Variants in DNAL1 observed in about 807,000 individuals in gnomAD.
DNAL1 encodes chromosome 14 open reading frame 168.
DNAL1 carries 17 observed loss-of-function variants against 29.4 expected under a neutral mutation model. The observed-to-expected ratio is 0.58, with a 90% CI of 0.40 to 0.87. The LOEUF is 0.87. Ranked by LOEUF, DNAL1 falls within the 40% of genes least tolerant of loss-of-function variation. DNAL1 has a pLI of 0.00. For synonymous variants in DNAL1, 78 were observed against 76.3 expected (o/e 1.02, Z -0.12); for missense variants, 188 against 214.1 (o/e 0.88, Z 0.76).
rs1892309601 is a variant in DNAL1 at position 73,696,698 on chromosome 14, G to A, written c.*756G>A. 2 of 152,134 alleles carry A rather than the reference G, an allele frequency of 1.3e-5. No homozygotes were observed. Among genetic ancestry groups the A allele is most frequent in the Admixed American group, 1.3e-4 (2 of 15,272 alleles). 9.4% of individuals were successfully genotyped at this position (152,134 alleles called of 1,614,324 possible). ...ATAATGTGGCAATGTTACTCATGTG[G>A]ACCTCGCCTTAAGCACACATTTTGG... is the stretch of plus-strand genomic sequence containing the variant. On this transcript the variant is annotated 3_prime_UTR_variant, in exon 8 of 8. Transcript: ENST00000553645.
intron 5 of DNAL1, among the ~76,000 whole-genome samples, chr14:73,677,550 A>T (rs1891765011): frequency 6.7e-6 from 1 of 148,574 alleles, no homozygotes; most frequent in African/African-American, 2.4e-5. Flanking sequence ...AAATATATTT[A>T]TTTATTTATT....
chr14:73,664,322 A>C (rs1231880944), intron 4 of DNAL1, among the ~76,000 whole-genome samples: 1 of 152,134 alleles, frequency 6.6e-6, no homozygotes, highest in Non-Finnish European at 1.5e-5. Flanking sequence ...GGTGACCTTC[A>C]TCACTGATAA....
At chr14:73,646,532 C>A (rs538049104) in intron 1 of DNAL1, among the ~76,000 whole-genome samples, 4 of 152,070 alleles carry the variant, frequency 2.6e-5, no homozygotes, top group African/African-American at 9.7e-5. Context: ...GAGGCCGAGG[C>A]GGGCAGATCA....
At chr14:73,666,340 T>G (rs938978843) in intron 4 of DNAL1, among the ~76,000 whole-genome samples, 2 of 152,160 alleles carry the variant, frequency 1.3e-5, no homozygotes, top group Non-Finnish European at 2.9e-5. Context: ...AAACCATGAC[T>G]AAAAAGCTGT....
At position 73,652,483 on chromosome 14, in the gene DNAL1, C is replaced by T. The variant is rs12147104; in HGVS notation, c.4-2364C>T. Among the ~76,000 whole-genome samples the T allele has an allele frequency of 3.4e-3, 512 of 152,142 alleles. 1 individual carries two copies. Among genetic ancestry groups the T allele is most frequent in the Non-Finnish European group, 5.9e-3 (402 of 68,006 alleles). ...TAGAGACAAAGTCTCACTGCCTTGC[C>T]CAGGCTGGTCTCGAACTCCTGGGCT... On this transcript the variant is annotated intron_variant, in intron 1 of 7. Transcript: ENST00000553645.
At chr14:73,655,278 A>T (rs1891191147) in intron 2 of DNAL1, among the ~76,000 whole-genome samples, 1 of 152,086 alleles carries the variant, frequency 6.6e-6, no homozygotes, top group Non-Finnish European at 1.5e-5. Flanking sequence ...TGGAAAGGCC[A>T]ATTTTACCTA....
At chr14:73,645,627 A>G (rs777879374) in intron 1 of DNAL1, among the ~76,000 whole-genome samples, 5 of 152,164 alleles carry the variant, frequency 3.3e-5, no homozygotes, top group Non-Finnish European at 5.9e-5. Context: ...TGAATTTTTA[A>G]TATGATTGGG....
intron 5 of DNAL1, among the ~76,000 whole-genome samples, chr14:73,676,999 C>G (rs1404666877): frequency 7.5e-6 from 1 of 133,722 alleles, no homozygotes; most frequent in East Asian, 2.1e-4. Flanking sequence ...GAGATGCAGT[C>G]TTGCTCTGTC....
chr14:73,663,646 CA>C lies in DNAL1; in HGVS notation c.208+1607del, dbSNP rs1891408111. On this transcript the variant is annotated intron_variant, in intron 4 of 7. Coordinates refer to ENST00000553645, the MANE Select transcript of DNAL1 (RefSeq NM_031427.4). ...ACTATCTTACAACTTTTGTGATAGT[CA>C]AACAGGTCAGGGTCACTGGTCTCAT... Among the ~76,000 whole-genome samples the C allele has an allele frequency of 2.0e-5, 3 of 152,160 alleles. No homozygotes were observed. In the South Asian group the frequency reaches 6.2e-4, roughly 31 times the overall value.
At chr14:73,695,646 C>T (rs1304650596) in intron 7 of DNAL1, among the ~76,000 whole-genome samples, 1 of 152,092 alleles carries the variant, frequency 6.6e-6, no homozygotes, top group Non-Finnish European at 1.5e-5. Context: ...TCTCCTGCCT[C>T]AGCCTCCCAA....
chr14:73,677,320 CTGG>C (rs1051785146), intron 5 of DNAL1, among the ~76,000 whole-genome samples: 1 of 151,390 alleles, frequency 6.6e-6, no homozygotes, highest in Non-Finnish European at 1.5e-5. Flanking sequence ...AAAATGGAGT[CTGG>C]TGGTGGTGTT....
rs78059622 is a variant in DNAL1, at chr14:73,654,453, A to C, written c.4-394A>C. Among the ~76,000 whole-genome samples, 1,229 of 152,300 alleles carry C rather than the reference A, an allele frequency of 8.1e-3. 11 individuals carry two copies. Among genetic ancestry groups the C allele is most frequent in the African/African-American group, 0.028 (1,166 of 41,578 alleles). On this transcript the variant is annotated intron_variant, in intron 1 of 7. Coordinates refer to ENST00000553645, the MANE Select transcript of DNAL1 (RefSeq NM_031427.4). ...TATTGCTTGAAAAGTTAATCAACAA[A>C]TTACACCAATAAAGACAAATTGGGG...
intron 1 of DNAL1, among the ~76,000 whole-genome samples, chr14:73,653,896 ATTATT>A (rs1321006547): frequency 1.3e-5 from 2 of 152,216 alleles, no homozygotes; most frequent in Non-Finnish European, 2.9e-5. Flanking sequence ...AAGATGCAAC[ATTATT>A]TTATGTTTTA....
chr14:73,687,621 C>G (rs1431312354), intron 6 of DNAL1, among the ~76,000 whole-genome samples: 2 of 152,088 alleles, frequency 1.3e-5, no homozygotes, highest in Non-Finnish European at 2.9e-5. Flanking sequence ...GCCTGTAATC[C>G]CAGAACTTTG....
intron 7 of DNAL1, among the ~76,000 whole-genome samples, chr14:73,691,938 C>T (rs915689773): frequency 1.6e-4 from 24 of 150,184 alleles, no homozygotes; most frequent in African/African-American, 5.2e-4. Context: ...CCTCGTGATC[C>T]GCCCGCCTTG....
chr14:73,681,185 G>A (rs1260600790), intron 5 of DNAL1, among the ~76,000 whole-genome samples: 5 of 151,288 alleles, frequency 3.3e-5, no homozygotes, highest in Non-Finnish European at 5.9e-5. Flanking sequence ...TGAGGCTGGA[G>A]TGCAGTGGCA....
chr14:73,681,433 T>TCCGCAACTGTA lies in DNAL1; in HGVS notation c.265-5826_265-5825insCCGCAACTGTA, dbSNP rs200508568. Among the ~76,000 whole-genome samples the TCCGCAACTGTA allele has an allele frequency of 8.0e-3, 1,207 of 150,642 alleles. 21 individuals are homozygous for TCCGCAACTGTA. The highest frequency in any genetic ancestry group is 0.028 in the African/African-American group (1,144 of 40,936). On this transcript the variant is annotated intron_variant, in intron 5 of 7. Coordinates refer to ENST00000553645, the MANE Select transcript of DNAL1 (RefSeq NM_031427.4). ...TACAGGCATGAGCCACCGCACCCGG[T>TCCGCAACTGTA]GATTTTATAAAACACTGTACACAGG... is the stretch of plus-strand genomic sequence containing the variant.
chr14:73,670,702 G>A (rs976780468), intron 4 of DNAL1, among the ~76,000 whole-genome samples: 1 of 150,994 alleles, frequency 6.6e-6, no homozygotes, highest in Non-Finnish European at 1.5e-5. Context: ...AATAAAGATA[G>A]GCATTTTATT....
In DNAL1 at chr14:73,645,050, C is replaced by G. The variant is rs1456527977; in HGVS notation, c.3+8C>G. On this transcript the variant is annotated splice_region_variant and intron_variant, in intron 1 of 7. Coordinates refer to ENST00000553645, the MANE Select transcript of DNAL1 (RefSeq NM_031427.4). ...GTAGCAACCGCCGGAATGGTGAGTA[C>G]CTTTCGGGCCGCGTAGCCAAAGCTG... 21 of 1,608,640 alleles carry G rather than the reference C, an allele frequency of 1.3e-5. No homozygotes were observed. Among genetic ancestry groups the G allele is most frequent in the Non-Finnish European group, 1.7e-5 (20 of 1,177,936 alleles).
Sources: allele counts gnomAD v4.1 joint callset (sites outside exome capture counted in the v4.1 genomes callset), GRCh38; gene constraint gnomAD v4.1.1; transcripts MANE v1.5; gene names NCBI Gene and HGNC (gene_info 2026-07-23, HGNC 2026-07-21).